The following REPS2 variants were observed in gnomAD, a reference collection of about 807,000 sequenced individuals.
The protein encoded by REPS2 is RALBP1 associated Eps domain containing 2.
Under a neutral mutation model 53.6 loss-of-function variants are expected in REPS2, and 23 were observed. That is an observed-to-expected ratio of 0.43 (90% CI 0.31 to 0.61). REPS2 has a LOEUF of 0.61. REPS2 is among the 20% of genes least tolerant of loss of function. REPS2 has a pLI of 0.11. For synonymous variants in REPS2, 238 were observed against 218.6 expected (o/e 1.09, Z -0.78); for missense variants, 446 against 534.9 (o/e 0.83, Z 1.64).
chrX:17,001,990 T>TA (rs1336392285), intron 1 of REPS2, among the ~76,000 whole-genome samples: 2 of 112,312 alleles, frequency 1.8e-5, no homozygotes, highest in Non-Finnish European at 3.8e-5. Context: ...TTCTGGGAGA[T>TA]ACAATTCAAG....
rs186453038 is a variant in REPS2, at chrX:17,069,284, C to A, written c.1280-656C>A. On this transcript the variant is annotated intron_variant, in intron 10 of 17. Coordinates refer to ENST00000357277, the MANE Select transcript of REPS2 (RefSeq NM_004726.3). Reference sequence around the variant, plus strand: ...TTTTTCTAAGCCTCAAGCCAGTATTCTGCCTGTTATTTGATATTGATTTAC... The same window carrying A: ...TTTTTCTAAGCCTCAAGCCAGTATTATGCCTGTTATTTGATATTGATTTAC... 1.7e-3 allele frequency among the ~76,000 whole-genome samples: 190 copies of A among 111,946 alleles called. 1 individual carries two copies. Among genetic ancestry groups the A allele is most frequent in the African/African-American group, 5.8e-3 (180 of 30,813 alleles).
intron 14 of REPS2, among the ~76,000 whole-genome samples, chrX:17,122,069 G>A (rs1343947648): frequency 9.0e-6 from 1 of 111,167 alleles, no homozygotes; most frequent in Non-Finnish European, 1.9e-5. Context: ...TTTTATTGAA[G>A]TATAATTGCA....
At chrX:16,971,682 GA>G (rs1602556829) in intron 1 of REPS2, among the ~76,000 whole-genome samples, 1 of 112,075 alleles carries the variant, frequency 8.9e-6, no homozygotes, top group African/African-American at 3.2e-5. Flanking sequence ...GATTCATTTT[GA>G]GTTAATTTTT....
At chrX:17,076,862 C>T (rs776436556) in intron 12 of REPS2, among the ~76,000 whole-genome samples, 14 of 111,879 alleles carry the variant, frequency 1.3e-4, no homozygotes, top group Non-Finnish European at 1.9e-4. Flanking sequence ...AGCCTGTCAT[C>T]ACATTTGCAA....
At chrX:16,986,520 C>G (rs1045065706) in intron 1 of REPS2, among the ~76,000 whole-genome samples, 2 of 112,184 alleles carry the variant, frequency 1.8e-5, no homozygotes, top group Middle Eastern at 4.6e-3. Context: ...TGTTGACACA[C>G]TGCACCTTTG....
intron 13 of REPS2, among the ~76,000 whole-genome samples, chrX:17,090,285 C>T (rs1461046431): frequency 4.5e-5 from 5 of 112,349 alleles, no homozygotes; most frequent in African/African-American, 1.3e-4. Flanking sequence ...TCCACGTGGC[C>T]GGGGAAGCCT....
intron 14 of REPS2, among the ~76,000 whole-genome samples, chrX:17,127,318 G>A (rs940326276): frequency 8.9e-6 from 1 of 112,022 alleles, no homozygotes; most frequent in Non-Finnish European, 1.9e-5. Context: ...AATAACCTTT[G>A]TAAAATACAA....
the REPS2 span, among the ~76,000 whole-genome samples, chrX:17,159,608 C>CG: frequency 4.5e-5 from 5 of 111,764 alleles, no homozygotes; most frequent in Non-Finnish European, 9.4e-5. Flanking sequence ...CTGTGCCTCA[C>CG]TCCATCATCT....
rs181294086 is a variant in REPS2 at position 17,032,972 on chromosome X, A to G, written c.771+3349A>G. ...TAGTGCTTTGTAAAGAAATTATAAGACTTATTTTCTGCTTCATCTGTTATC... is the reference window on the plus strand; with the variant it reads ...TAGTGCTTTGTAAAGAAATTATAAGGCTTATTTTCTGCTTCATCTGTTATC... On this transcript the variant is annotated intron_variant, in intron 5 of 17. Coordinates refer to ENST00000357277, the MANE Select transcript of REPS2 (RefSeq NM_004726.3). 1.3e-4 allele frequency among the ~76,000 whole-genome samples: 15 copies of G among 112,275 alleles called. 1 individual carries two copies. In the Admixed American group the frequency reaches 1.4e-3, roughly 11 times the overall value.
the REPS2 span, among the ~76,000 whole-genome samples, chrX:17,174,752 G>C: frequency 8.9e-6 from 1 of 112,724 alleles, no homozygotes; most frequent in Non-Finnish European, 1.9e-5. Context: ...CCTCAGCTGT[G>C]CTGGCAGGGC....
chrX:17,018,212 C>CTTT (rs200578522), intron 2 of REPS2, among the ~76,000 whole-genome samples: 16 of 92,276 alleles, frequency 1.7e-4, no homozygotes, highest in African/African-American at 5.4e-4. Context: ...TGGCAACTGC[C>CTTT]TTTTTTTTTT....
At chrX:17,049,403 T>G (rs746718534) in intron 6 of REPS2, among the ~76,000 whole-genome samples, 1 of 111,901 alleles carries the variant, frequency 8.9e-6, no homozygotes, top group Admixed American at 9.5e-5. Context: ...TTATTGATGG[T>G]CCTGACCTTG....
chrX:17,188,659 A>G, the REPS2 span, among the ~76,000 whole-genome samples: 1 of 112,487 alleles, frequency 8.9e-6, no homozygotes, highest in African/African-American at 3.2e-5. Flanking sequence ...GTTATAAAGT[A>G]CTGAAAGGAG....
chrX:17,015,746 A>AT (rs1390959176), intron 2 of REPS2, among the ~76,000 whole-genome samples: 1 of 111,315 alleles, frequency 9.0e-6, no homozygotes, highest in African/African-American at 3.3e-5. Flanking sequence ...TGAACTCATC[A>AT]TTTTTTATGG....
rs1244382825 is a variant in REPS2 at position 17,147,956 on chromosome X, G to A, written c.*475G>A. 1.8e-5 allele frequency: 2 copies of A among 112,695 alleles called. No individual in the cohort carries two copies. The highest frequency in any genetic ancestry group is 9.5e-5 in the Admixed American group (1 of 10,565). The allele number at this position is 112,695 out of a possible 1,213,427, so 9.3% of individuals were successfully genotyped here. ...TGGGATTCCAACTAGATAGTCATTGGTGTGACCATAATAAAAACAAAAGCT... is the reference window on the plus strand; with the variant it reads ...TGGGATTCCAACTAGATAGTCATTGATGTGACCATAATAAAAACAAAAGCT... On this transcript the variant is annotated 3_prime_UTR_variant, in exon 18 of 18. Transcript: ENST00000357277.
chrX:17,075,654 A>G (rs914759379), intron 12 of REPS2, among the ~76,000 whole-genome samples: 6 of 112,460 alleles, frequency 5.3e-5, no homozygotes, highest in Admixed American at 3.8e-4. Context: ...TGGTTATACA[A>G]TCTCACTTAT....
the REPS2 span, among the ~76,000 whole-genome samples, chrX:17,162,887 A>T: frequency 4.5e-5 from 5 of 112,177 alleles, no homozygotes; most frequent in Admixed American, 4.7e-4. Context: ...CATGGGGAGG[A>T]GGAAGAATCT....
chrX:16,999,130 TGATTAAACTAATATCTTA>T (rs2147780746), intron 1 of REPS2, among the ~76,000 whole-genome samples: 1 of 112,391 alleles, frequency 8.9e-6, no homozygotes, highest in South Asian at 3.6e-4. Context: ...CAACCACAAT[TGATTAAACTAATATCTTA>T]GATGGTAGAC....
Position 17,113,659 on chromosome X carries a change from C to T in REPS2, c.1578+9880C>T, listed in dbSNP as rs1020054351. Among the ~76,000 whole-genome samples, 12 of 111,028 alleles carry T rather than the reference C, an allele frequency of 1.1e-4. No homozygotes were observed. The South Asian group carries it at 1.1e-3, about 11-fold the overall frequency. ...ATTTGAAAACTATTCTCAAATAGTTCGCACTGAATGACAAATTCAAAAGGC... is the reference window on the plus strand; with the variant it reads ...ATTTGAAAACTATTCTCAAATAGTTTGCACTGAATGACAAATTCAAAAGGC... On this transcript the variant is annotated intron_variant, in intron 14 of 17. Coordinates refer to ENST00000357277, the MANE Select transcript of REPS2 (RefSeq NM_004726.3).
Sources: gnomAD v4.1 joint callset for allele counts (sites outside exome capture counted in the v4.1 genomes callset) on GRCh38, gnomAD v4.1.1 for gene constraint, MANE v1.5 for transcripts, NCBI Gene and HGNC (gene_info 2026-07-23, HGNC 2026-07-21) for gene names.